The following STK4 variants were observed in gnomAD, a reference collection of about 807,000 sequenced individuals.
STK4 encodes the protein serine/threonine kinase 4.
In STK4, 30 loss-of-function variants were observed where a neutral mutation model predicts 64.9. That is an observed-to-expected ratio of 0.46 (90% CI 0.35 to 0.63). STK4 has a LOEUF of 0.63. Among genes scored for constraint, STK4 ranks in the 20% least tolerant of loss-of-function variants. STK4 has a pLI of 0.01. For synonymous variants in STK4, 177 were observed against 199.0 expected, an observed-to-expected ratio of 0.89 and a Z score of 0.93; for missense variants, 466 against 598.5, an observed-to-expected ratio of 0.78 and a Z score of 2.31.
chr20:45,026,316 A>AGAGT (rs201198068), intron 10 of STK4, among the ~76,000 whole-genome samples: 7 of 102,368 alleles, frequency 6.8e-5, no homozygotes, highest in African/African-American at 3.1e-4. Context: ...GGAGACAGAA[A>AGAGT]GAGTGTGTGT....
chr20:44,984,068 A>C (rs2067486206), intron 4 of STK4, among the ~76,000 whole-genome samples: 1 of 150,336 alleles, frequency 6.7e-6, no homozygotes, highest in South Asian at 2.1e-4. Context: ...ATTTTAAACT[A>C]GTCCAAAATT....
intron 9 of STK4, among the ~76,000 whole-genome samples, chr20:45,015,796 G>A (rs181079160): frequency 1.7e-4 from 26 of 152,196 alleles, no homozygotes; most frequent in African/African-American, 6.0e-4. Flanking sequence ...TTCCTATTTT[G>A]TAGTTTTGTC....
At chr20:44,988,585 C>G (rs11908011) in intron 5 of STK4, among the ~76,000 whole-genome samples, 59,107 of 128,226 alleles carry the variant, frequency 0.46, 13,575 homozygotes, top group Middle Eastern at 0.58. Context: ...ATTCCATTTA[C>G]TAATTTTAGT....
intron 7 of STK4, 96 bp downstream of exon 7, chr20:44,997,402 A>C: frequency 6.8e-7 from 1 of 1,467,474 alleles, no homozygotes; most frequent in South Asian, 1.4e-5. Flanking sequence ...GTAAAGAAGT[A>C]TAAGGCAGGC....
intron 10 of STK4, among the ~76,000 whole-genome samples, chr20:45,054,178 G>C (rs972039009): frequency 6.6e-6 from 1 of 152,172 alleles, no homozygotes; most frequent in African/African-American, 2.4e-5. Flanking sequence ...CTTTACTGCT[G>C]TCCGTGCTTC....
chr20:45,005,425 C>A (rs2145706772), intron 9 of STK4, among the ~76,000 whole-genome samples: 1 of 151,986 alleles, frequency 6.6e-6, no homozygotes, highest in African/African-American at 2.4e-5. Context: ...GCAGGCGGAT[C>A]ACGAGGTCAG....
chr20:45,007,931 G>T (rs1179887928), intron 9 of STK4: 1 of 229,308 alleles, frequency 4.4e-6, no homozygotes, highest in Non-Finnish European at 9.2e-6. Flanking sequence ...TTATTCTCAT[G>T]TTTATATCCA....
intron 9 of STK4, among the ~76,000 whole-genome samples, chr20:45,004,618 T>C (rs2067901882): frequency 6.6e-6 from 1 of 152,152 alleles, no homozygotes; most frequent in South Asian, 2.1e-4. Context: ...TCTCCCATTC[T>C]GTAGGTTGTC....
intron 10 of STK4, among the ~76,000 whole-genome samples, chr20:45,066,385 T>A (rs1256072923): frequency 1.3e-5 from 2 of 152,242 alleles, no homozygotes; most frequent in African/African-American, 4.8e-5. Context: ...TTTTTGTGTT[T>A]GCCATTTATT....
intron 10 of STK4, among the ~76,000 whole-genome samples, chr20:45,056,830 CG>C (rs1293619521): frequency 6.6e-6 from 1 of 152,154 alleles, no homozygotes; most frequent in Non-Finnish European, 1.5e-5. Flanking sequence ...AGGCTGAGGG[CG>C]TATATCCAAG....
chr20:45,056,613 A>C (rs954253649), intron 10 of STK4, among the ~76,000 whole-genome samples: 4 of 152,210 alleles, frequency 2.6e-5, no homozygotes, highest in Non-Finnish European at 5.9e-5. Context: ...ATATTTATTT[A>C]GGTTTTATCA....
At chr20:45,017,472 T>G (rs1471135030) in intron 9 of STK4, among the ~76,000 whole-genome samples, 2 of 152,224 alleles carry the variant, frequency 1.3e-5, no homozygotes, top group African/African-American at 4.8e-5. Flanking sequence ...GGGAAGGATG[T>G]TACAGGCAGG....
chr20:44,978,714 G>C (rs1331571258), intron 3 of STK4, 143 bp downstream of exon 3: 2 of 917,542 alleles, frequency 2.2e-6, no homozygotes, highest in East Asian at 6.4e-5. Flanking sequence ...TTTCTTTTCA[G>C]AAAAAAATAT....
chr20:45,037,138 G>T (rs1312391184), intron 10 of STK4, among the ~76,000 whole-genome samples: 1 of 152,080 alleles, frequency 6.6e-6, no homozygotes, highest in Non-Finnish European at 1.5e-5. Context: ...TAAAGAAGGG[G>T]CTGTAGGAGC....
At position 44,987,142 on chromosome 20, in the gene STK4, A is replaced by G; in HGVS notation, c.371A>G (p.Asp124Gly). The change falls in exon 5 of 11, where the codon GAT becomes GGT. Residue 124 changes from aspartate to glycine, a missense_variant. Asp to Gly is a moderately conservative substitution (Grantham distance 94). Around this residue, in one of 2 missense-constraint regions of STK4, gnomAD observed 190 missense variants for 289.7 expected, o/e 0.66. Coordinates refer to ENST00000372806, the MANE Select transcript of STK4 (RefSeq NM_006282.5). ...TTATTCTTTTTTCAGTTAACAGAAGATGAAATAGCTACAATATTACAATCA... is the reference window on the plus strand; with the variant it reads ...TTATTCTTTTTTCAGTTAACAGAAGGTGAAATAGCTACAATATTACAATCA... ...IRLRNKTLTE[D>G]EIATILQSTL... The G allele has an allele frequency of 6.3e-7, 1 of 1,587,968 alleles. No individual in the cohort carries two copies. The highest frequency in any genetic ancestry group is 8.6e-7 in the Non-Finnish European group (1 of 1,167,898).
At chr20:45,063,304 C>T (rs1979260802) in intron 10 of STK4, among the ~76,000 whole-genome samples, 1 of 152,018 alleles carries the variant, frequency 6.6e-6, no homozygotes, top group Non-Finnish European at 1.5e-5. Flanking sequence ...TGCACCTGGC[C>T]TCATTGTGGT....
At chr20:45,058,742 C>T (rs1978719741) in intron 10 of STK4, among the ~76,000 whole-genome samples, 1 of 152,228 alleles carries the variant, frequency 6.6e-6, no homozygotes, top group Non-Finnish European at 1.5e-5. Context: ...TATTAAGCTG[C>T]ATTAAAACAG....
At position 44,997,279 on chromosome 20, in the gene STK4, G is replaced by C. The variant is rs778290237; in HGVS notation, c.804G>C (p.Gln268His). The change falls in exon 7 of 11, where the codon CAG becomes CAC. Residue 268 changes from glutamine to histidine, a missense_variant. Physicochemically the swap from Gln to His is conservative, Grantham distance 24. Around this residue, in one of 2 missense-constraint regions of STK4, gnomAD observed 276 missense variants for 308.9 expected, o/e 0.89. Transcript: ENST00000372806. ...AGTGTCTTGTAAAGAGCCCTGAGCA[G>C]AGGGCCACAGCCACTCAGCTCCTGC... is the stretch of plus-strand genomic sequence containing the variant. Reference protein sequence around the residue: ...VKQCLVKSPEQRATATQLLQH... With the variant: ...VKQCLVKSPEHRATATQLLQH... 8 of 1,609,528 alleles carry C rather than the reference G, an allele frequency of 5.0e-6. No individual in the cohort carries two copies. The African/African-American group carries it at 1.1e-4, about 22-fold the overall frequency.
At chr20:45,005,187 T>C (rs1351151390) in intron 9 of STK4, among the ~76,000 whole-genome samples, 1 of 152,206 alleles carries the variant, frequency 6.6e-6, no homozygotes, top group Non-Finnish European at 1.5e-5. Flanking sequence ...TGCATAAGTA[T>C]ATGCTTACTT....
Sources: allele counts gnomAD v4.1 joint callset (sites outside exome capture counted in the v4.1 genomes callset), GRCh38; gene constraint gnomAD v4.1.1; regional missense constraint gnomAD v4.1.1; transcripts MANE v1.5; gene names NCBI Gene and HGNC (gene_info 2026-07-23, HGNC 2026-07-21).